The following HS6ST3 variants were observed in gnomAD, a reference collection of about 807,000 sequenced individuals.
The protein encoded by HS6ST3 is heparan-sulfate 6-O-sulfotransferase 3.
In HS6ST3, 12 loss-of-function variants were observed where a neutral mutation model predicts 36.7. The observed-to-expected ratio is 0.33, with a 90% CI of 0.21 to 0.53. The LOEUF (loss-of-function observed/expected upper bound fraction) is 0.53, where lower values mean the gene tolerates loss of function less well. Ranked by LOEUF, HS6ST3 falls within the 20% of genes least tolerant of loss-of-function variation. The pLI, the probability that HS6ST3 is intolerant of heterozygous loss-of-function variation, is 0.95. For synonymous variants in HS6ST3, 240 were observed against 257.5 expected (o/e 0.93, Z 0.65); for missense variants, 584 against 640.9 (o/e 0.91, Z 0.96).
chr13:96,710,680 G>C (rs1198203670), intron 1 of HS6ST3, among the ~76,000 whole-genome samples: 1 of 152,244 alleles, frequency 6.6e-6, no homozygotes, highest in Non-Finnish European at 1.5e-5. Flanking sequence ...GAGGACCCGA[G>C]TCATCACTTC....
At chr13:96,386,035 CTG>C (rs1430350776) in intron 1 of HS6ST3, among the ~76,000 whole-genome samples, 1 of 152,020 alleles carries the variant, frequency 6.6e-6, no homozygotes, top group African/African-American at 2.4e-5. Flanking sequence ...GAGTAAGAAA[CTG>C]AAATCTAAAC....
At chr13:96,524,555 C>T (rs1262993011) in intron 1 of HS6ST3, among the ~76,000 whole-genome samples, 1 of 152,200 alleles carries the variant, frequency 6.6e-6, no homozygotes, top group Non-Finnish European at 1.5e-5. Flanking sequence ...ACACTGTGAG[C>T]ATAGAACCGT....
At chr13:96,608,215 T>C (rs560857692) in intron 1 of HS6ST3, among the ~76,000 whole-genome samples, 1 of 152,364 alleles carries the variant, frequency 6.6e-6, no homozygotes, top group Non-Finnish European at 1.5e-5. Context: ...ACATTTATTC[T>C]GACTTTCCTA....
intron 1 of HS6ST3, among the ~76,000 whole-genome samples, chr13:96,333,550 G>A (rs550797198): frequency 2.0e-5 from 3 of 152,164 alleles, no homozygotes; most frequent in African/African-American, 4.8e-5. Context: ...GGGAAAGCCT[G>A]TAGCTTTACC....
At chr13:96,138,777 G>A (rs1168427669) in intron 1 of HS6ST3, among the ~76,000 whole-genome samples, 2 of 151,918 alleles carry the variant, frequency 1.3e-5, no homozygotes, top group African/African-American at 4.8e-5. Context: ...AATTACATGG[G>A]AAGTACTTAC....
chr13:96,579,957 G>A (rs1413059825), intron 1 of HS6ST3, among the ~76,000 whole-genome samples: 1 of 152,042 alleles, frequency 6.6e-6, no homozygotes, highest in Non-Finnish European at 1.5e-5. Context: ...ATTGAATGCT[G>A]CTATCTTATA....
At chr13:96,092,864 T>C (rs2053771895) in intron 1 of HS6ST3, among the ~76,000 whole-genome samples, 1 of 152,204 alleles carries the variant, frequency 6.6e-6, no homozygotes, top group Non-Finnish European at 1.5e-5. Flanking sequence ...TTCCTGCACA[T>C]TAGTTAGAAT....
In HS6ST3 at chr13:96,833,110, A is replaced by G; in HGVS notation, c.1328A>G (p.Glu443Gly). 1.2e-6 allele frequency: 2 copies of G among 1,605,112 alleles called. No individual in the cohort carries two copies. The highest frequency in any genetic ancestry group is 1.1e-5 in the South Asian group (1 of 91,078). The change falls in exon 2 of 2, where the codon GAG (glutamate) becomes GGG (glycine). Residue 443 changes from glutamate to glycine, a missense_variant. By Grantham distance (98) the Glu-to-Gly change is moderately conservative. Transcript: ENST00000376705. Reference sequence around the variant, plus strand: ...CGGGAGGAGCGGAGGCTGCAGCGAGAGCACAGGGACCACCAGTGGCCCAAA... The same window carrying G: ...CGGGAGGAGCGGAGGCTGCAGCGAGGGCACAGGGACCACCAGTGGCCCAAA... ...KRREERRLQREHRDHQWPKED... is the reference protein window; with the variant it reads ...KRREERRLQRGHRDHQWPKED...
intron 1 of HS6ST3, among the ~76,000 whole-genome samples, chr13:96,590,081 CT>C (rs2056376992): frequency 6.6e-6 from 1 of 152,072 alleles, no homozygotes. Flanking sequence ...ACTCATTCAT[CT>C]GTTGATGGAC....
At chr13:96,645,009 A>G (rs183487998) in intron 1 of HS6ST3, among the ~76,000 whole-genome samples, 1 of 152,132 alleles carries the variant, frequency 6.6e-6, no homozygotes, top group Non-Finnish European at 1.5e-5. Context: ...GAATTCAAAT[A>G]TGTGTGCTCA....
chr13:96,817,721 C>T (rs1034047757), intron 1 of HS6ST3, among the ~76,000 whole-genome samples: 3 of 152,088 alleles, frequency 2.0e-5, no homozygotes, highest in Non-Finnish European at 4.4e-5. Flanking sequence ...CAATATAACA[C>T]GTCATTTCAA....
At position 96,189,423 on chromosome 13, in the gene HS6ST3, A is replaced by G. The variant is rs143489757; in HGVS notation, c.707+97854A>G. Among the ~76,000 whole-genome samples the G allele has an allele frequency of 6.8e-3, 1,039 of 152,252 alleles. 3 individuals are homozygous for G. Among genetic ancestry groups the G allele is most frequent in the Non-Finnish European group, 0.011 (751 of 68,036 alleles). On this transcript the variant is annotated intron_variant, in intron 1 of 1. Transcript: ENST00000376705. ...TTGGACACTTGTCACTAGGTAAGGT[A>G]AAAATGACATTCTCTTGGCTGGGAC...
chr13:96,405,641 A>G (rs1566351599), intron 1 of HS6ST3, among the ~76,000 whole-genome samples: 1 of 152,200 alleles, frequency 6.6e-6, no homozygotes, highest in Admixed American at 6.5e-5. Context: ...TATATTTTCT[A>G]TATTTTTTGC....
intron 1 of HS6ST3, among the ~76,000 whole-genome samples, chr13:96,620,930 A>C (rs906865808): frequency 1.3e-5 from 2 of 152,156 alleles, no homozygotes; most frequent in Non-Finnish European, 2.9e-5. Context: ...TTGGGGCTTG[A>C]CATTTATTAT....
chr13:96,177,681 T>G (rs972689444), intron 1 of HS6ST3, among the ~76,000 whole-genome samples: 4 of 151,952 alleles, frequency 2.6e-5, no homozygotes, highest in African/African-American at 9.7e-5. Context: ...ATATAACTGT[T>G]GGGTACTGGG....
intron 1 of HS6ST3, among the ~76,000 whole-genome samples, chr13:96,369,934 A>G (rs1199421180): frequency 6.6e-6 from 1 of 152,024 alleles, no homozygotes; most frequent in Admixed American, 6.6e-5. Flanking sequence ...TCCTGACAGT[A>G]TAATTATATT....
chr13:96,799,839 T>A (rs752312732), intron 1 of HS6ST3, among the ~76,000 whole-genome samples: 19 of 150,234 alleles, frequency 1.3e-4, no homozygotes, highest in Non-Finnish European at 8.9e-5. Context: ...TTCATCCCAG[T>A]TATAAGCTGG....
chr13:96,737,032 A>G (rs1876302312), intron 1 of HS6ST3, among the ~76,000 whole-genome samples: 3 of 152,198 alleles, frequency 2.0e-5, no homozygotes, highest in Admixed American at 2.0e-4. Flanking sequence ...AATAATAATT[A>G]TGAGGATAAA....
intron 1 of HS6ST3, among the ~76,000 whole-genome samples, chr13:96,355,701 C>G (rs548516926): frequency 8.9e-4 from 135 of 152,188 alleles, no homozygotes; most frequent in Admixed American, 3.7e-3. Context: ...ATTTTGATGG[C>G]TGCTGTCTGA....
Sources: allele counts gnomAD v4.1 joint callset (sites outside exome capture counted in the v4.1 genomes callset), GRCh38; gene constraint gnomAD v4.1.1; transcripts MANE v1.5; gene names NCBI Gene and HGNC (gene_info 2026-07-23, HGNC 2026-07-21).